DNAH11: variants seen among roughly 807,000 people sequenced by gnomAD.
The protein encoded by DNAH11 is dynein axonemal heavy chain 11.
Under a neutral mutation model 526.0 loss-of-function variants are expected in DNAH11, and 442 were observed. The observed-to-expected ratio is 0.84, with a 90% CI of 0.78 to 0.91. The LOEUF (loss-of-function observed/expected upper bound fraction) is 0.91. Among genes scored for constraint, DNAH11 ranks in the 40% least tolerant of loss-of-function variants. DNAH11 has a pLI of 0.00. For synonymous variants in DNAH11, 2,461 were observed against 1,935.9 expected, an observed-to-expected ratio of 1.27 and a Z score of -7.12; for missense variants, 6,989 against 5,448.7, an observed-to-expected ratio of 1.28 and a Z score of -8.90.
intron 45 of DNAH11, among the ~76,000 whole-genome samples, chr7:21,726,894 A>T (rs1200985348): frequency 7.9e-6 from 1 of 127,190 alleles, no homozygotes; most frequent in Non-Finnish European, 1.6e-5. Flanking sequence ...AAAAAAAAGA[A>T]TGCTTAGTGA....
intron 35 of DNAH11, among the ~76,000 whole-genome samples, chr7:21,692,986 A>T (rs937819480): frequency 5.9e-5 from 9 of 152,214 alleles, no homozygotes; most frequent in African/African-American, 1.9e-4. Flanking sequence ...GAAAAGCCGT[A>T]TTCTGCATAC....
Position 21,687,217 on chromosome 7 carries a change from G to T in DNAH11, c.5740G>T (p.Val1914Phe), listed in dbSNP as rs201671992. 3.1e-4 allele frequency: 500 copies of T among 1,605,534 alleles called. No homozygotes were observed. Among genetic ancestry groups the T allele is most frequent in the Non-Finnish European group, 4.1e-4 (482 of 1,176,532 alleles). Residue 1914 changes from valine to phenylalanine, a missense_variant, in exon 33 of 82, where the codon GTC becomes TTC. Coordinates refer to ENST00000409508, the MANE Select transcript of DNAH11 (RefSeq NM_001277115.2). ...CCTAGGACGTGCCCTTGGCATGATGGTCTATGTATTCAACTGTTCAGAGCA... is the reference window on the plus strand; with the variant it reads ...CCTAGGACGTGCCCTTGGCATGATGTTCTATGTATTCAACTGTTCAGAGCA... ...KDLGRALGMM[V>F]YVFNCSEQMD...
Position 21,816,614 on chromosome 7 carries a change from C to G in DNAH11, c.10480C>G (p.Leu3494Val), listed in dbSNP as rs1789804697. The change falls in exon 64 of 82, where the codon CTG becomes GTG. Residue 3494 changes from leucine to valine, a missense_variant. Transcript: ENST00000409508. Reference sequence around the variant, plus strand: ...CCTAACACACTGTGAGCGCTGGCCTCTGGTGATAGATCCCCAGCAACAGGG... The same window carrying G: ...CCTAACACACTGTGAGCGCTGGCCTGTGGTGATAGATCCCCAGCAACAGGG... ...AILTHCERWPLVIDPQQQGIK... is the reference protein window; with the variant it reads ...AILTHCERWPVVIDPQQQGIK... 1 of 1,613,738 alleles carries G rather than the reference C, an allele frequency of 6.2e-7. No individual in the cohort carries two copies. The highest frequency in any genetic ancestry group is 8.5e-7 in the Non-Finnish European group (1 of 1,179,810).
At chr7:21,757,391 T>G (rs1331304133) in intron 54 of DNAH11, among the ~76,000 whole-genome samples, 1 of 152,176 alleles carries the variant, frequency 6.6e-6, no homozygotes, top group East Asian at 1.9e-4. Flanking sequence ...GTGTTGCAGT[T>G]TATCCTATCC....
intron 56 of DNAH11, among the ~76,000 whole-genome samples, chr7:21,775,729 G>A (rs1376146491): frequency 6.6e-6 from 1 of 151,718 alleles, no homozygotes; most frequent in African/African-American, 2.4e-5. Flanking sequence ...ATCCTCTTCT[G>A]TCTCATTTAA....
intron 2 of DNAH11, among the ~76,000 whole-genome samples, chr7:21,550,990 A>G (rs181963671): frequency 9.2e-5 from 14 of 152,260 alleles, no homozygotes; most frequent in Middle Eastern, 3.4e-3. Flanking sequence ...AAGTTACACA[A>G]CTTCCACATA....
chr7:21,763,171 G>A (rs1364157225), intron 54 of DNAH11, among the ~76,000 whole-genome samples: 2 of 151,632 alleles, frequency 1.3e-5, no homozygotes, highest in Non-Finnish European at 1.5e-5. Flanking sequence ...GTAAAACCCT[G>A]TCTCTACTAA....
At chr7:21,720,919 G>A (rs1477223595) in intron 44 of DNAH11, 63 bp downstream of exon 44, 3 of 1,572,602 alleles carry the variant, frequency 1.9e-6, no homozygotes, top group South Asian at 2.3e-5. Context: ...GTCATGGGGA[G>A]GTTAAAACAT....
chr7:21,599,886 A>G lies in DNAH11; in HGVS notation c.2767A>G (p.Ile923Val), dbSNP rs772628921. The G allele has an allele frequency of 1.5e-5, 24 of 1,613,186 alleles. No individual in the cohort carries two copies. Among genetic ancestry groups the G allele is most frequent in the Admixed American group, 8.4e-5 (5 of 59,878 alleles). The change falls in exon 15 of 82, where the codon ATA (isoleucine) becomes GTA (valine). Residue 923 changes from isoleucine (I) to valine (V), a missense_variant. Ile to Val is a conservative substitution (Grantham distance 29). Transcript: ENST00000409508. ...TGTGGTGGAAGGCTTTTTTCAGGCT[A>G]TAATGCACGACTTAGACTTCTTTCT... Reference protein sequence around the residue: ...DIVVEGFFQAIMHDLDFFLKN... With the variant: ...DIVVEGFFQAVMHDLDFFLKN...
Position 21,615,219 on chromosome 7 carries a change from C to G in DNAH11, c.3958C>G (p.Arg1320Gly), listed in dbSNP as rs753807678. The G allele has an allele frequency of 1.2e-6, 2 of 1,613,022 alleles. No individual in the cohort carries two copies. Among genetic ancestry groups the G allele is most frequent in the African/African-American group, 2.7e-5 (2 of 74,860 alleles). ...LPEYKQMKQC[R>G]KEIKLLKGLW... ...AGAGTACAAACAAATGAAACAGTGT[C>G]GCAAAGAAATAAAATTGCTCAAGGG... Residue 1320 changes from arginine (R) to glycine (G), a missense_variant, in exon 21 of 82, where the codon CGC (arginine) becomes GGC (glycine). Coordinates refer to ENST00000409508, the MANE Select transcript of DNAH11 (RefSeq NM_001277115.2).
chr7:21,899,277 A>C, intron 79 of DNAH11, 59 bp from the exon 80 acceptor site: 1 of 1,367,824 alleles, frequency 7.3e-7, no homozygotes, highest in East Asian at 2.3e-5. Flanking sequence ...AACAGAACAT[A>C]CTGGAAAATG....
At chr7:21,574,028 G>A (rs1783991436) in intron 8 of DNAH11, among the ~76,000 whole-genome samples, 1 of 152,158 alleles carries the variant, frequency 6.6e-6, no homozygotes, top group African/African-American at 2.4e-5. Flanking sequence ...CAGAATGTGG[G>A]GATTTTATCA....
At position 21,587,976 on chromosome 7, in the gene DNAH11, T is replaced by C; in HGVS notation, c.1711-88T>C. ...CTTTTAAGATTCTAAACTTTAGTCA[T>C]GTAAGAGGTTTGAAGGGGAACATTA... On this transcript the variant is annotated intron_variant, in intron 9 of 81. Transcript: ENST00000409508. 4.7e-6 allele frequency: 6 copies of C among 1,265,714 alleles called. No individual in the cohort carries two copies. The East Asian group carries it at 7.2e-5, about 15-fold the overall frequency. The allele number at this position is 1,265,714 out of a possible 1,614,324, so 78.4% of individuals were successfully genotyped here.
intron 77 of DNAH11, among the ~76,000 whole-genome samples, chr7:21,893,328 C>CT (rs946870297): frequency 3.9e-5 from 6 of 152,106 alleles, no homozygotes; most frequent in Admixed American, 3.3e-4. Flanking sequence ...CTTGCTCTAT[C>CT]TTTTTTGTGA....
intron 25 of DNAH11, among the ~76,000 whole-genome samples, chr7:21,627,560 G>A (rs1355534841): frequency 6.6e-6 from 1 of 151,874 alleles, no homozygotes; most frequent in Non-Finnish European, 1.5e-5. Flanking sequence ...TATGTTCTTG[G>A]CACCTTAGTT....
chr7:21,885,703 A>G (rs1343845008), intron 76 of DNAH11, among the ~76,000 whole-genome samples: 1 of 152,188 alleles, frequency 6.6e-6, no homozygotes, highest in Non-Finnish European at 1.5e-5. Flanking sequence ...TACATGTATC[A>G]AAACATCGCA....
At chr7:21,621,570 T>G (rs568708850) in intron 25 of DNAH11, among the ~76,000 whole-genome samples, 28 of 152,244 alleles carry the variant, frequency 1.8e-4, no homozygotes, top group Admixed American at 1.8e-3. Context: ...GCAAAAATCC[T>G]CAGTAAAATA....
chr7:21,783,870 T>C (rs1583690960), intron 57 of DNAH11, among the ~76,000 whole-genome samples: 1 of 152,304 alleles, frequency 6.6e-6, no homozygotes, highest in Non-Finnish European at 1.5e-5. Flanking sequence ...GAGAAACCAG[T>C]AATTCGTCTT....
intron 45 of DNAH11, among the ~76,000 whole-genome samples, chr7:21,726,414 C>G (rs1177868741): frequency 3.3e-5 from 5 of 152,064 alleles, no homozygotes; most frequent in African/African-American, 1.2e-4. Context: ...AGATCCAAAC[C>G]ATATCACCGA....
Sources: gnomAD v4.1 joint callset for allele counts (sites outside exome capture counted in the v4.1 genomes callset) on GRCh38, gnomAD v4.1.1 for gene constraint, MANE v1.5 for transcripts, NCBI Gene and HGNC (gene_info 2026-07-23, HGNC 2026-07-21) for gene names.